Variants in ALDH1A2 observed in about 807,000 individuals in gnomAD.
ALDH1A2 encodes retinal dehydrogenase 2.
ALDH1A2 carries 27 observed loss-of-function variants against 60.3 expected under a neutral mutation model. That is an observed-to-expected ratio of 0.45 (90% CI 0.33 to 0.62). ALDH1A2 has a LOEUF of 0.62. Among genes scored for constraint, ALDH1A2 ranks in the 20% least tolerant of loss-of-function variants. The pLI is 0.02. For missense variants in ALDH1A2, 581 were observed against 643.8 expected, an observed-to-expected ratio of 0.90 and a Z score of 1.06; for synonymous variants, 289 against 232.4, an observed-to-expected ratio of 1.24 and a Z score of -2.21.
rs140090289 is a variant in ALDH1A2 at position 58,062,958 on chromosome 15, T to C, written c.117+2576A>G. 4.1e-3 allele frequency among the ~76,000 whole-genome samples: 626 copies of C among 152,304 alleles called. 1 individual carries two copies. Among genetic ancestry groups the C allele is most frequent in the Middle Eastern group, 6.8e-3 (2 of 294 alleles). On this transcript the variant is annotated intron_variant, in intron 1 of 12. Coordinates refer to ENST00000249750, the MANE Select transcript of ALDH1A2 (RefSeq NM_003888.4). ...AATTCTGGAGCATTTCCACTGGACC[T>C]CTAGCAGGCAAAGGCAGTAACTTTT...
At chr15:58,030,238 T>C (rs1426987969) in intron 1 of ALDH1A2, among the ~76,000 whole-genome samples, 11 of 152,222 alleles carry the variant, frequency 7.2e-5, no homozygotes, top group Admixed American at 5.9e-4. Context: ...GTTCAACATA[T>C]GCAAACTGAT....
chr15:57,980,001 A>T (rs1272408453), intron 7 of ALDH1A2: 2 of 328,358 alleles, frequency 6.1e-6, no homozygotes, highest in African/African-American at 2.2e-5. Flanking sequence ...CCTGGCTGGC[A>T]CAGTTATTTG....
Position 57,959,967 on chromosome 15 carries a change from C to T in ALDH1A2, c.1484+803G>A, listed in dbSNP as rs529752469. Among the ~76,000 whole-genome samples the T allele has an allele frequency of 8.4e-4, 128 of 152,130 alleles. No homozygotes were observed. The South Asian group carries it at 0.011, about 13-fold the overall frequency. On this transcript the variant is annotated intron_variant, in intron 12 of 12. Coordinates refer to ENST00000249750, the MANE Select transcript of ALDH1A2 (RefSeq NM_003888.4). ...TCCCCCACTGCTACCCTGTTTTGCC[C>T]GACAAACTTGAAAATATATTCCCCC...
chr15:57,989,682 G>A (rs1894828135), intron 7 of ALDH1A2, among the ~76,000 whole-genome samples: 2 of 45,956 alleles, frequency 4.4e-5, no homozygotes, highest in African/African-American at 1.2e-4. Flanking sequence ...ATCATGTAAT[G>A]TTATATTCAG....
chr15:57,967,795 G>A lies in ALDH1A2; in HGVS notation c.799-1968C>T, dbSNP rs574836503. Among the ~76,000 whole-genome samples, 79 of 152,206 alleles carry A rather than the reference G, an allele frequency of 5.2e-4. No homozygotes were observed. In the South Asian group the frequency reaches 5.6e-3, roughly 11 times the overall value. ...CAACCTGCCAGACTGCCCTTCCCCC[G>A]CCCTTGCCATTTTGTGTCTCTTCCA... On this transcript the variant is annotated intron_variant, in intron 7 of 12. Transcript: ENST00000249750.
At chr15:57,972,580 A>ATCTT (rs1296484540) in intron 7 of ALDH1A2, among the ~76,000 whole-genome samples, 1 of 136,730 alleles carries the variant, frequency 7.3e-6, no homozygotes, top group African/African-American at 2.5e-5. Context: ...TAACTGCAGA[A>ATCTT]TCTTTGACTT....
chr15:58,032,243 A>T (rs1896259067), intron 1 of ALDH1A2, among the ~76,000 whole-genome samples: 2 of 152,116 alleles, frequency 1.3e-5, no homozygotes, highest in African/African-American at 4.8e-5. Flanking sequence ...TTCTCAGCAA[A>T]CTATTGCAAG....
At chr15:57,983,501 TAAG>T (rs1225957055) in intron 7 of ALDH1A2, among the ~76,000 whole-genome samples, 1 of 152,230 alleles carries the variant, frequency 6.6e-6, no homozygotes, top group African/African-American at 2.4e-5. Flanking sequence ...ACTGTGGAAT[TAAG>T]ATGGAGAATT....
intron 1 of ALDH1A2, among the ~76,000 whole-genome samples, chr15:58,030,500 C>G (rs1896207069): frequency 6.6e-6 from 1 of 152,164 alleles, no homozygotes; most frequent in Non-Finnish European, 1.5e-5. Flanking sequence ...TGCCCTCCCT[C>G]ACCACTCCTC....
At chr15:58,004,593 G>C (rs1057026404) in intron 4 of ALDH1A2, among the ~76,000 whole-genome samples, 1 of 150,602 alleles carries the variant, frequency 6.6e-6, no homozygotes, top group African/African-American at 2.4e-5. Context: ...TCTGTTTCTG[G>C]GTTATTTCAC....
intron 3 of ALDH1A2, among the ~76,000 whole-genome samples, chr15:58,011,367 A>G (rs1895628664): frequency 6.6e-6 from 1 of 152,234 alleles, no homozygotes; most frequent in Non-Finnish European, 1.5e-5. Flanking sequence ...TTACCTATTA[A>G]GAGTGAAATA....
intron 10 of ALDH1A2, 144 bp downstream of exon 10, chr15:57,961,868 A>C (rs937596209): frequency 1.7e-6 from 2 of 1,187,906 alleles, no homozygotes; most frequent in East Asian, 5.0e-5. Flanking sequence ...TTGAAACTGG[A>C]ATTTTCATAG....
intron 7 of ALDH1A2, among the ~76,000 whole-genome samples, chr15:57,977,034 T>C (rs1894282524): frequency 6.6e-6 from 1 of 152,174 alleles, no homozygotes; most frequent in African/African-American, 2.4e-5. Context: ...CTTTTTTTCA[T>C]GTTTAACGGC....
chr15:58,037,928 G>A (rs921123455), intron 1 of ALDH1A2, among the ~76,000 whole-genome samples: 42 of 151,534 alleles, frequency 2.8e-4, no homozygotes, highest in African/African-American at 9.4e-4. Context: ...AACACACATC[G>A]TAATCTATCT....
At chr15:58,013,078 T>C (rs1385311554) in intron 3 of ALDH1A2, among the ~76,000 whole-genome samples, 1 of 152,172 alleles carries the variant, frequency 6.6e-6, no homozygotes, top group African/African-American at 2.4e-5. Flanking sequence ...GGAAAATCAT[T>C]GTTTTAGTGA....
At chr15:58,028,633 G>C (rs1249138597) in intron 1 of ALDH1A2, among the ~76,000 whole-genome samples, 2 of 152,154 alleles carry the variant, frequency 1.3e-5, no homozygotes, top group South Asian at 2.1e-4. Context: ...AGACCCATAA[G>C]TATGCTGTAT....
chr15:57,961,584 C>T (rs1198104528), intron 10 of ALDH1A2, among the ~76,000 whole-genome samples: 1 of 152,184 alleles, frequency 6.6e-6, no homozygotes, highest in Non-Finnish European at 1.5e-5. Flanking sequence ...CCTCCGTGAT[C>T]CTGCAAACAC....
intron 1 of ALDH1A2, among the ~76,000 whole-genome samples, chr15:58,028,666 A>G (rs1896144761): frequency 1.3e-5 from 2 of 152,228 alleles, no homozygotes; most frequent in African/African-American, 4.8e-5. Flanking sequence ...TCTCAACTGC[A>G]GAGACACACA....
intron 7 of ALDH1A2, among the ~76,000 whole-genome samples, chr15:57,969,728 T>C (rs1894001230): frequency 6.6e-6 from 1 of 152,214 alleles, no homozygotes; most frequent in Admixed American, 6.5e-5. Flanking sequence ...GTATATGATG[T>C]AATATAGATT....
Sources: gnomAD v4.1 joint callset for allele counts (sites outside exome capture counted in the v4.1 genomes callset) on GRCh38, gnomAD v4.1.1 for gene constraint, MANE v1.5 for transcripts, NCBI Gene and HGNC (gene_info 2026-07-23, HGNC 2026-07-21) for gene names.